Variants in GRM1 observed in about 807,000 individuals in gnomAD.
GRM1 encodes the protein metabotropic glutamate receptor 1.
In GRM1, 33 loss-of-function variants were observed where a neutral mutation model predicts 90.9. The observed-to-expected ratio is 0.36, with a 90% CI of 0.28 to 0.49. The LOEUF (loss-of-function observed/expected upper bound fraction) is 0.49, where lower values mean the gene tolerates loss of function less well. GRM1 is among the 20% of genes least tolerant of loss of function. GRM1 has a pLI of 0.99. For missense variants in GRM1, 1,190 were observed against 1,534.3 expected (o/e 0.78, Z 3.75); for synonymous variants, 700 against 613.2 (o/e 1.14, Z -2.09).
At chr6:146,361,986 T>C (rs1393655361) in intron 5 of GRM1, among the ~76,000 whole-genome samples, 2 of 152,234 alleles carry the variant, frequency 1.3e-5, no homozygotes, top group African/African-American at 2.4e-5. Context: ...AAGAGTTTAA[T>C]AGAGACTGAG....
At chr6:146,366,528 G>A (rs1322759251) in intron 5 of GRM1, among the ~76,000 whole-genome samples, 2 of 151,904 alleles carry the variant, frequency 1.3e-5, no homozygotes, top group Non-Finnish European at 1.5e-5. Flanking sequence ...CAGGTAATCA[G>A]CATTCTATTT....
intron 6 of GRM1, among the ~76,000 whole-genome samples, chr6:146,393,874 G>A (rs1047945576): frequency 1.3e-5 from 2 of 152,064 alleles, no homozygotes; most frequent in Non-Finnish European, 2.9e-5. Context: ...TATACTACAA[G>A]GCTGCAGTAA....
At chr6:146,077,518 G>A (rs1477543737) in intron 1 of GRM1, among the ~76,000 whole-genome samples, 1 of 152,174 alleles carries the variant, frequency 6.6e-6, no homozygotes, top group African/African-American at 2.4e-5. Context: ...ATGAAGCAGA[G>A]TGGTGTGGTA....
At chr6:146,379,457 T>G (rs1467599936) in intron 5 of GRM1, among the ~76,000 whole-genome samples, 1 of 152,194 alleles carries the variant, frequency 6.6e-6, no homozygotes, top group Non-Finnish European at 1.5e-5. Flanking sequence ...TAAATTTATC[T>G]GATAGAATTC....
At chr6:146,082,865 T>C (rs1204281419) in intron 1 of GRM1, among the ~76,000 whole-genome samples, 1 of 152,230 alleles carries the variant, frequency 6.6e-6, no homozygotes, top group Non-Finnish European at 1.5e-5. Flanking sequence ...TTCCTATCCA[T>C]GAGGATGAAA....
intron 2 of GRM1, among the ~76,000 whole-genome samples, chr6:146,303,244 C>A (rs1393808943): frequency 6.6e-6 from 1 of 152,130 alleles, no homozygotes; most frequent in African/African-American, 2.4e-5. Context: ...CTGTGAGAAG[C>A]AAGCAATAAA....
At chr6:146,049,651 A>ATATCTATCATC (rs1554261180) in intron 1 of GRM1, among the ~76,000 whole-genome samples, 1 of 147,472 alleles carries the variant, frequency 6.8e-6, no homozygotes, top group African/African-American at 2.5e-5. Context: ...ACCTCCTTTC[A>ATATCTATCATC]TATCTATCTA....
At chr6:146,331,094 G>C (rs1465309986) in intron 3 of GRM1, among the ~76,000 whole-genome samples, 2 of 152,206 alleles carry the variant, frequency 1.3e-5, no homozygotes, top group East Asian at 3.8e-4. Flanking sequence ...GAGTGCAAGA[G>C]TGCCCTGCAG....
intron 2 of GRM1, among the ~76,000 whole-genome samples, chr6:146,163,407 T>C (rs1331304139): frequency 1.3e-5 from 2 of 152,214 alleles, no homozygotes; most frequent in East Asian, 3.8e-4. Context: ...GGACTTACTA[T>C]ATATAAGCAC....
chr6:146,186,458 G>C (rs1243252852), intron 2 of GRM1, among the ~76,000 whole-genome samples: 2 of 151,980 alleles, frequency 1.3e-5, no homozygotes, highest in African/African-American at 4.8e-5. Flanking sequence ...TTTGTTTTCT[G>C]ACCAAATTTC....
chr6:146,271,119 C>T (rs988502711), intron 2 of GRM1, among the ~76,000 whole-genome samples: 2 of 151,850 alleles, frequency 1.3e-5, no homozygotes, highest in South Asian at 2.1e-4. Context: ...ATTCTCCTGC[C>T]TCAACCTGCT....
At chr6:146,163,494 T>C (rs1777807673) in intron 2 of GRM1, among the ~76,000 whole-genome samples, 1 of 152,186 alleles carries the variant, frequency 6.6e-6, no homozygotes, top group African/African-American at 2.4e-5. Flanking sequence ...TTATTCCCCT[T>C]TCAATGTACG....
At chr6:146,325,673 G>A (rs1025593605) in intron 3 of GRM1, among the ~76,000 whole-genome samples, 3 of 151,968 alleles carry the variant, frequency 2.0e-5, no homozygotes, top group Non-Finnish European at 2.9e-5. Context: ...ATTGTCCAGG[G>A]GTCCTTGGAA....
chr6:146,370,508 T>G (rs1469464963), intron 5 of GRM1, among the ~76,000 whole-genome samples: 1 of 152,124 alleles, frequency 6.6e-6, no homozygotes, highest in Non-Finnish European at 1.5e-5. Flanking sequence ...TTATTTCCCC[T>G]TCTAGAGATA....
At chr6:146,042,353 A>G (rs2128841775) in intron 1 of GRM1, among the ~76,000 whole-genome samples, 1 of 152,014 alleles carries the variant, frequency 6.6e-6, no homozygotes, top group East Asian at 1.9e-4. Flanking sequence ...TCCAATGATA[A>G]CTACAGAGAG....
chr6:146,213,836 G>A (rs1779776815), intron 2 of GRM1, among the ~76,000 whole-genome samples: 1 of 152,032 alleles, frequency 6.6e-6, no homozygotes, highest in East Asian at 1.9e-4. Context: ...CTGGGATGCT[G>A]GTAGCATGTC....
intron 2 of GRM1, among the ~76,000 whole-genome samples, chr6:146,210,542 T>C (rs1468775867): frequency 6.6e-6 from 1 of 152,108 alleles, no homozygotes; most frequent in African/African-American, 2.4e-5. Context: ...TCTTGCAATG[T>C]CAGGGAGTGC....
chr6:146,282,755 A>G (rs904238490), intron 2 of GRM1, among the ~76,000 whole-genome samples: 4 of 152,238 alleles, frequency 2.6e-5, no homozygotes, highest in Admixed American at 2.6e-4. Context: ...ATGTAATAAA[A>G]AAAGGATGTA....
In GRM1 at chr6:146,399,611, A is replaced by G; in HGVS notation, c.2572A>G (p.Met858Val). The change falls in exon 7 of 8, where the codon ATG (methionine) becomes GTG (valine). Residue 858 changes from methionine (M) to valine (V), a missense_variant. Physicochemically the swap from Met to Val is conservative, Grantham distance 21. Around this residue, in one of 10 missense-constraint regions of GRM1, gnomAD observed 73 missense variants for 150.6 expected, o/e 0.48. Transcript: ENST00000282753. The surrounding 1 kb of genome is among the most constrained non-coding windows in gnomAD (Gnocchi z 5.4). ...SAFTTSDVVR[M>V]HVGDGKLPCR... ...CTTCACCACCTCTGATGTTGTCCGCATGCATGTTGGCGATGGCAAGCTGCC... is the reference window on the plus strand; with the variant it reads ...CTTCACCACCTCTGATGTTGTCCGCGTGCATGTTGGCGATGGCAAGCTGCC... 1.2e-6 allele frequency: 2 copies of G among 1,614,108 alleles called. No homozygotes were observed. Among genetic ancestry groups the G allele is most frequent in the Non-Finnish European group, 8.5e-7 (1 of 1,179,980 alleles).
Sources: allele counts gnomAD v4.1 joint callset (sites outside exome capture counted in the v4.1 genomes callset), GRCh38; gene constraint gnomAD v4.1.1; regional missense constraint gnomAD v4.1.1; non-coding constraint Gnocchi (gnomAD v3.1); transcripts MANE v1.5; gene names NCBI Gene and HGNC (gene_info 2026-07-23, HGNC 2026-07-21).